MARCHF5: variants seen among roughly 807,000 people sequenced by gnomAD.
MARCHF5 encodes the protein E3 ubiquitin-protein ligase MARCHF5.
MARCHF5 carries 5 observed loss-of-function variants against 36.5 expected under a neutral mutation model. The observed-to-expected ratio is 0.14, with a 90% confidence interval of 0.07 to 0.29. The LOEUF (loss-of-function observed/expected upper bound fraction) is 0.29, where lower values mean the gene tolerates loss of function less well. Ranked by LOEUF, MARCHF5 falls within the 10% of genes least tolerant of loss-of-function variation. The probability of loss-of-function intolerance (pLI) is 1.00; values close to 1 mark genes in which losing one functional copy is unlikely to be tolerated. For missense variants in MARCHF5, 179 were observed against 336.3 expected (o/e 0.53, Z 3.66); for synonymous variants, 103 against 109.9 (o/e 0.94, Z 0.39).
At chr10:92,323,665 G>C (rs910892798) in intron 2 of MARCHF5, among the ~76,000 whole-genome samples, 3 of 152,054 alleles carry the variant, frequency 2.0e-5, no homozygotes, top group African/African-American at 7.2e-5. Flanking sequence ...CGTACAGTAT[G>C]TAGCCTTTTC....
chr10:92,307,200 T>C (rs1590648705), intron 1 of MARCHF5, among the ~76,000 whole-genome samples: 1 of 104,134 alleles, frequency 9.6e-6, no homozygotes, highest in Non-Finnish European at 2.2e-5. Flanking sequence ...TGTGTGTGTG[T>C]GTGTGTGTGT....
intron 1 of MARCHF5, among the ~76,000 whole-genome samples, chr10:92,295,891 TC>T (rs920118073): frequency 6.6e-6 from 1 of 151,760 alleles, no homozygotes; most frequent in African/African-American, 2.4e-5. Context: ...TTTTTTTTTT[TC>T]ATGGAATTTC....
intron 1 of MARCHF5, among the ~76,000 whole-genome samples, chr10:92,292,550 C>T (rs1842894084): frequency 6.6e-6 from 1 of 152,154 alleles, no homozygotes; most frequent in Non-Finnish European, 1.5e-5. Flanking sequence ...CTGCCACACC[C>T]AGAACACAAA....
At chr10:92,332,595 A>G (rs1015259720) in intron 2 of MARCHF5, among the ~76,000 whole-genome samples, 3 of 137,566 alleles carry the variant, frequency 2.2e-5, no homozygotes, top group African/African-American at 8.4e-5. Context: ...ATCTTGGCTC[A>G]CTACAACCTC....
chr10:92,339,509 A>G (rs562453340), intron 2 of MARCHF5, among the ~76,000 whole-genome samples: 88 of 152,236 alleles, frequency 5.8e-4, no homozygotes, highest in South Asian at 2.5e-3. Flanking sequence ...GTCTCTACTA[A>G]AAATACAAAA....
At position 92,349,715 on chromosome 10, in the gene MARCHF5, T is replaced by G; in HGVS notation, c.598T>G (p.Leu200Val). 6.2e-7 allele frequency: 1 copy of G among 1,614,210 alleles called. No individual in the cohort carries two copies. Among genetic ancestry groups the G allele is most frequent in the Non-Finnish European group, 8.5e-7 (1 of 1,180,030 alleles). ...TCGAATTCCAGCTGAGGCCAATCCT[T>G]TAGCAGATCATGTCTCTGCTACTCG... is the stretch of plus-strand genomic sequence containing the variant. ...VPRIPAEANP[L>V]ADHVSATRIL... Residue 200 changes from leucine to valine, a missense_variant, in exon 5 of 6, where the codon TTA becomes GTA. Leu to Val is a conservative substitution (Grantham distance 32, BLOSUM62 1). This residue lies in a region of MARCHF5 where 95 missense variants were observed against 139.5 expected (regional missense o/e 0.68). Coordinates refer to ENST00000358935, the MANE Select transcript of MARCHF5 (RefSeq NM_017824.5).
chr10:92,346,837 A>T (rs1292364438), intron 3 of MARCHF5, among the ~76,000 whole-genome samples: 1 of 151,924 alleles, frequency 6.6e-6, no homozygotes, highest in Non-Finnish European at 1.5e-5. Context: ...TTTTACTGCT[A>T]CCCATGAGAA....
intron 2 of MARCHF5, among the ~76,000 whole-genome samples, chr10:92,317,502 T>C (rs1843226534): frequency 6.6e-6 from 1 of 152,180 alleles, no homozygotes; most frequent in Non-Finnish European, 1.5e-5. Flanking sequence ...TTTGATACAT[T>C]GTGTAAATGG....
At chr10:92,301,583 C>T (rs1447131993) in intron 1 of MARCHF5, among the ~76,000 whole-genome samples, 1 of 152,172 alleles carries the variant, frequency 6.6e-6, no homozygotes, top group Non-Finnish European at 1.5e-5. Context: ...ACAAAAGGCA[C>T]GGCATGAATA....
intron 1 of MARCHF5, among the ~76,000 whole-genome samples, chr10:92,305,353 G>A (rs1270366217): frequency 2.0e-5 from 3 of 152,014 alleles, no homozygotes; most frequent in African/African-American, 7.3e-5. Context: ...GTTGCAGTGA[G>A]CTGAGATCGC....
intron 2 of MARCHF5, among the ~76,000 whole-genome samples, chr10:92,330,911 C>G (rs142384096): frequency 3.9e-5 from 6 of 152,228 alleles, no homozygotes; most frequent in African/African-American, 1.4e-4. Flanking sequence ...TTGTTACAGC[C>G]TAATGAGCCT....
At chr10:92,338,307 T>C (rs1278649854) in intron 2 of MARCHF5, among the ~76,000 whole-genome samples, 1 of 152,258 alleles carries the variant, frequency 6.6e-6, no homozygotes, top group Non-Finnish European at 1.5e-5. Flanking sequence ...AAGATGACTT[T>C]TATTGTGCTT....
intron 1 of MARCHF5, among the ~76,000 whole-genome samples, chr10:92,303,701 CTG>C (rs1843042518): frequency 6.6e-6 from 1 of 152,068 alleles, no homozygotes; most frequent in Admixed American, 6.6e-5. Flanking sequence ...ATTCCTTAAA[CTG>C]TTTATAAATT....
At chr10:92,301,515 T>C (rs955532404) in intron 1 of MARCHF5, among the ~76,000 whole-genome samples, 3 of 152,220 alleles carry the variant, frequency 2.0e-5, no homozygotes, top group African/African-American at 7.2e-5. Flanking sequence ...CTTTCTGGGC[T>C]TTTGGTTCTT....
intron 2 of MARCHF5, among the ~76,000 whole-genome samples, chr10:92,316,329 TAA>T (rs1181778616): frequency 6.6e-6 from 1 of 152,194 alleles, no homozygotes; most frequent in Non-Finnish European, 1.5e-5. Flanking sequence ...GTGAAAAACT[TAA>T]GAGGATTCGT....
intron 2 of MARCHF5, among the ~76,000 whole-genome samples, chr10:92,320,437 G>A (rs560594491): frequency 6.6e-6 from 1 of 152,138 alleles, no homozygotes; most frequent in East Asian, 1.9e-4. Flanking sequence ...CCTTCAGGAG[G>A]TGTTTCAGAA....
chr10:92,318,653 A>C (rs1418942524), intron 2 of MARCHF5, among the ~76,000 whole-genome samples: 4 of 151,914 alleles, frequency 2.6e-5, no homozygotes, highest in African/African-American at 7.2e-5. Context: ...AAAAAAAAAA[A>C]CAGACATCCT....
chr10:92,328,821 A>ATATATATATATATATATATT (rs372130854), intron 2 of MARCHF5, among the ~76,000 whole-genome samples: 41 of 122,408 alleles, frequency 3.3e-4, no homozygotes, highest in African/African-American at 1.2e-3. Context: ...ATATATATAT[A>ATATATATATATATATATATT]TTTTTTTTTT....
chr10:92,295,033 T>TA lies in MARCHF5; in HGVS notation c.35+3513dup, dbSNP rs977591976. On this transcript the variant is annotated intron_variant, in intron 1 of 5. Coordinates refer to ENST00000358935, the MANE Select transcript of MARCHF5 (RefSeq NM_017824.5). ...CAGGTAACAGAGCAAGACCCTGTCT[T>TA]AAAAAAAAATGTTATTTTTCAGTAA... Among the ~76,000 whole-genome samples the TA allele has an allele frequency of 5.9e-5, 9 of 151,476 alleles. No homozygotes were observed. The South Asian group carries it at 1.0e-3, about 18-fold the overall frequency.
Sources: gnomAD v4.1 joint callset for allele counts (sites outside exome capture counted in the v4.1 genomes callset) on GRCh38, gnomAD v4.1.1 for gene constraint, gnomAD v4.1.1 regional missense constraint, MANE v1.5 for transcripts, NCBI Gene and HGNC (gene_info 2026-07-23, HGNC 2026-07-21) for gene names.